The following APBA1 variants were observed in gnomAD, a reference collection of about 807,000 sequenced individuals.
APBA1 encodes the protein amyloid-beta A4 precursor protein-binding family A member 1.
APBA1 carries 55 observed loss-of-function variants against 86.6 expected under a neutral mutation model. The ratio of observed to expected loss-of-function variants is 0.64; its 90% CI spans 0.51 to 0.80. APBA1 has a LOEUF of 0.80. Ranked by LOEUF, APBA1 falls within the 30% of genes least tolerant of loss-of-function variation. APBA1 has a pLI of 0.00. For synonymous variants in APBA1, 511 were observed against 493.9 expected (o/e 1.03, Z -0.46); for missense variants, 1,090 against 1,183.0 (o/e 0.92, Z 1.15).
chr9:69,467,056 A>C (rs1390320369), intron 5 of APBA1, among the ~76,000 whole-genome samples: 3 of 152,178 alleles, frequency 2.0e-5, no homozygotes, highest in Non-Finnish European at 2.9e-5. Context: ...GGATGACATA[A>C]ACACACCTTA....
chr9:69,623,657 CA>C (rs1388397018), intron 1 of APBA1, among the ~76,000 whole-genome samples: 1 of 152,170 alleles, frequency 6.6e-6, no homozygotes, highest in African/African-American at 2.4e-5. Flanking sequence ...TGTAAAAATG[CA>C]GATTCCTAAA....
intron 1 of APBA1, among the ~76,000 whole-genome samples, chr9:69,627,311 G>A (rs1055026051): frequency 2.6e-5 from 4 of 151,998 alleles, no homozygotes; most frequent in Admixed American, 2.6e-4. Context: ...ATTCACCCTA[G>A]GGTTTTTATT....
chr9:69,604,847 A>T (rs564227669), intron 1 of APBA1, among the ~76,000 whole-genome samples: 2 of 148,590 alleles, frequency 1.3e-5, no homozygotes, highest in African/African-American at 5.0e-5. Context: ...TGAGGGTAAG[A>T]GGAGAGGCAT....
intron 1 of APBA1, among the ~76,000 whole-genome samples, chr9:69,666,987 A>G (rs1395378337): frequency 6.6e-6 from 1 of 152,192 alleles, no homozygotes; most frequent in Non-Finnish European, 1.5e-5. Context: ...GCGAGGTGCT[A>G]TATTTGATTT....
intron 1 of APBA1, among the ~76,000 whole-genome samples, chr9:69,622,337 A>T (rs1398332569): frequency 1.3e-5 from 2 of 152,182 alleles, no homozygotes; most frequent in Non-Finnish European, 2.9e-5. Flanking sequence ...ATCCTACACC[A>T]AGGGCTTAAT....
At chr9:69,566,543 G>A (rs1837029717) in intron 1 of APBA1, among the ~76,000 whole-genome samples, 1 of 152,194 alleles carries the variant, frequency 6.6e-6, no homozygotes, top group Non-Finnish European at 1.5e-5. Flanking sequence ...ATCTGATCAT[G>A]TCACTTTTCT....
At chr9:69,483,533 A>T (rs1261741331) in intron 2 of APBA1, among the ~76,000 whole-genome samples, 4 of 152,138 alleles carry the variant, frequency 2.6e-5, no homozygotes, top group Non-Finnish European at 4.4e-5. Context: ...TGTGAAACAA[A>T]CAAACAAAAA....
At chr9:69,604,194 GCA>G (rs1564089611) in intron 1 of APBA1, among the ~76,000 whole-genome samples, 1 of 151,674 alleles carries the variant, frequency 6.6e-6, no homozygotes, top group Non-Finnish European at 1.5e-5. Flanking sequence ...GGGCACGCAT[GCA>G]CACACTTGAG....
intron 1 of APBA1, among the ~76,000 whole-genome samples, chr9:69,551,553 A>C (rs80047938): frequency 3.3e-5 from 1 of 30,630 alleles, no homozygotes; most frequent in African/African-American, 5.9e-5. Flanking sequence ...ACTCCGCCTC[A>C]AAAAAAAAAA....
intron 1 of APBA1, among the ~76,000 whole-genome samples, chr9:69,640,253 A>G (rs1452447309): frequency 6.6e-6 from 1 of 152,148 alleles, no homozygotes; most frequent in Non-Finnish European, 1.5e-5. Flanking sequence ...TTACTAGGAA[A>G]CAATGACAGT....
chr9:69,658,340 TTC>T (rs1303457355), intron 1 of APBA1, among the ~76,000 whole-genome samples: 67 of 138,904 alleles, frequency 4.8e-4, no homozygotes, highest in Admixed American at 7.3e-4. Context: ...CTTTCTTTCT[TTC>T]TTTCTTTCTT....
At position 69,458,157 on chromosome 9, in the gene APBA1, T is replaced by G. The variant is rs754863784; in HGVS notation, c.1514A>C (p.Lys505Thr). ...CTGATGAAGTTGTTTGTACTGCACC[T>G]TCTTCCTGCTTTTGGCTAATTTCTG... ...MAQKLAKSRKKAPEGESQPMT... is the reference protein window; with the variant it reads ...MAQKLAKSRKTAPEGESQPMT... Residue 505 changes from lysine (K) to threonine (T), a missense_variant and splice_region_variant, in exon 6 of 13, where the codon AAG becomes ACG. Coordinates refer to ENST00000265381, the MANE Select transcript of APBA1 (RefSeq NM_001163.4). 2.5e-6 allele frequency: 4 copies of G among 1,611,974 alleles called. No individual in the cohort carries two copies. In the Admixed American group the frequency reaches 6.7e-5, roughly 27 times the overall value.
chr9:69,598,441 T>TA (rs1266498358), intron 1 of APBA1, among the ~76,000 whole-genome samples: 4 of 142,854 alleles, frequency 2.8e-5, no homozygotes, highest in South Asian at 4.8e-4. Flanking sequence ...AATTAAAAAG[T>TA]AAAAAAATTA....
rs149343986 is a variant in APBA1 at position 69,569,126 on chromosome 9, C to T, written c.-69-51847G>A. ...TCCGCTAGGGTTTCCGTTTGACCTC[C>T]TGTGGTGCTTCTTCCCTGAAAAGGA... is the stretch of plus-strand genomic sequence containing the variant. On this transcript the variant is annotated intron_variant, in intron 1 of 12. Coordinates refer to ENST00000265381, the MANE Select transcript of APBA1 (RefSeq NM_001163.4). 9.9e-5 allele frequency among the ~76,000 whole-genome samples: 15 copies of T among 152,278 alleles called. No individual in the cohort carries two copies. In the East Asian group the frequency reaches 2.5e-3, roughly 25 times the overall value.
chr9:69,428,487 T>C lies in APBA1; in HGVS notation c.*2840A>G, dbSNP rs1275715448. ...AAGGCAGGATGGGTTCTGGTGCCTC[T>C]GCCTGGACCAGGAGGGGGAGGTGAA... On this transcript the variant is annotated 3_prime_UTR_variant, in exon 13 of 13. Transcript: ENST00000265381. 1.3e-5 allele frequency: 2 copies of C among 152,190 alleles called. No individual in the cohort carries two copies. Among genetic ancestry groups the C allele is most frequent in the Non-Finnish European group, 2.9e-5 (2 of 68,068 alleles). 9.4% of individuals were successfully genotyped at this position (152,190 alleles called of 1,614,324 possible).
chr9:69,585,569 G>A (rs1428627346), intron 1 of APBA1, among the ~76,000 whole-genome samples: 1 of 152,158 alleles, frequency 6.6e-6, no homozygotes, highest in Non-Finnish European at 1.5e-5. Flanking sequence ...GACTCCAGCT[G>A]TAGGCTCAGG....
chr9:69,621,860 T>C (rs1313521167), intron 1 of APBA1, among the ~76,000 whole-genome samples: 1 of 152,168 alleles, frequency 6.6e-6, no homozygotes, highest in Admixed American at 6.5e-5. Context: ...GAATAAACCA[T>C]AGCATTTGGC....
intron 1 of APBA1, among the ~76,000 whole-genome samples, chr9:69,663,120 G>A (rs1173173431): frequency 6.6e-6 from 1 of 152,200 alleles, no homozygotes. Context: ...GCATATTAGG[G>A]TTCACCAATG....
chr9:69,467,740 T>A, intron 5 of APBA1, 83 bp downstream of exon 5: 1 of 1,535,106 alleles, frequency 6.5e-7, no homozygotes, highest in Non-Finnish European at 8.9e-7. Flanking sequence ...CTAAACTATA[T>A]GTGGAGTTGT....
Sources: gnomAD v4.1 joint callset for allele counts (sites outside exome capture counted in the v4.1 genomes callset) on GRCh38, gnomAD v4.1.1 for gene constraint, MANE v1.5 for transcripts, NCBI Gene and HGNC (gene_info 2026-07-23, HGNC 2026-07-21) for gene names.